Variants in IRGM observed in about 807,000 individuals in gnomAD.
The protein encoded by IRGM is immunity related GTPase M, also known as immunity-related GTPase family M protein.
For missense variants in IRGM, 288 were observed against 219.9 expected, an observed-to-expected ratio of 1.31 and a Z score of -1.96; for synonymous variants, 98 against 80.6, an observed-to-expected ratio of 1.22 and a Z score of -1.16.
At chr5:150,878,956 G>GA (rs974439359) in intron 2 of IRGM, among the ~76,000 whole-genome samples, 2 of 152,030 alleles carry the variant, frequency 1.3e-5, no homozygotes, top group African/African-American at 2.4e-5. Context: ...TGAAGCAAAT[G>GA]AAAAAATACT....
chr5:150,895,867 C>G, intron 3 of IRGM: 1 of 1,613,412 alleles, frequency 6.2e-7, no homozygotes, highest in Admixed American at 1.7e-5. Flanking sequence ...CCAGTATGAA[C>G]TAACTGATGT....
intron 3 of IRGM, chr5:150,895,183 C>G (rs1331621177): frequency 2.5e-6 from 1 of 395,766 alleles, no homozygotes; most frequent in Non-Finnish European, 4.5e-6. Flanking sequence ...GCTTAACTTG[C>G]TGTGCTGATC....
rs116626533 is a variant in IRGM at position 150,860,722 on chromosome 5, T to C, written c.158+12068T>C. Among the ~76,000 whole-genome samples, 654 of 152,310 alleles carry C rather than the reference T, an allele frequency of 4.3e-3. 3 individuals carry two copies. The highest frequency in any genetic ancestry group is 0.017 in the Middle Eastern group (5 of 294). ...TTGCCACCACTATTGCTTCTGCTGCTGCCTTGGGACCTCCCAACTTAGTGC... is the reference window on the plus strand; with the variant it reads ...TTGCCACCACTATTGCTTCTGCTGCCGCCTTGGGACCTCCCAACTTAGTGC... On this transcript the variant is annotated intron_variant and NMD_transcript_variant, in intron 1 of 3. Coordinates refer to the IRGM transcript ENST00000520549.
At chr5:150,849,693 G>A (rs141773404), downstream of IRGM, among the ~76,000 whole-genome samples, 1,072 of 143,298 alleles carry the variant, frequency 7.5e-3, 6 homozygotes, top group Middle Eastern at 0.032. Context: ...TGCAACTTCC[G>A]CCTCCTGGGT....
intron 3 of IRGM, among the ~76,000 whole-genome samples, chr5:150,886,368 G>A (rs1035010919): frequency 2.6e-5 from 4 of 151,830 alleles, no homozygotes; most frequent in African/African-American, 7.3e-5. Context: ...TTCTTTTTTT[G>A]TTGTGTCCTT....
chr5:150,859,138 C>T (rs9800175), intron 1 of IRGM, among the ~76,000 whole-genome samples: 4 of 151,860 alleles, frequency 2.6e-5, no homozygotes, highest in Non-Finnish European at 5.9e-5. Flanking sequence ...TAGCATGAAG[C>T]GTTGTTGAAT....
chr5:150,861,016 C>T (rs184266220), intron 1 of IRGM, among the ~76,000 whole-genome samples: 11 of 152,286 alleles, frequency 7.2e-5, no homozygotes, highest in Admixed American at 6.5e-5. Context: ...AACTGAATGG[C>T]TTCAATCAGT....
chr5:150,899,492 T>C (rs1212622892), intron 3 of IRGM, among the ~76,000 whole-genome samples: 1 of 152,060 alleles, frequency 6.6e-6, no homozygotes, highest in East Asian at 1.9e-4. Flanking sequence ...CTAATCTCTT[T>C]ATTTCATAGG....
intron 1 of IRGM, among the ~76,000 whole-genome samples, chr5:150,858,630 G>A (rs968046816): frequency 6.6e-6 from 1 of 151,924 alleles, no homozygotes; most frequent in Non-Finnish European, 1.5e-5. Context: ...TCTCCTTGAA[G>A]AGGTCCTTCA....
chr5:150,869,341 G>A (rs550728852), intron 1 of IRGM, among the ~76,000 whole-genome samples: 57 of 152,176 alleles, frequency 3.7e-4, no homozygotes, highest in African/African-American at 1.3e-3. Context: ...ATTTGATCAT[G>A]GTGGATTATC....
At chr5:150,862,810 C>T (rs1481993090) in intron 1 of IRGM, among the ~76,000 whole-genome samples, 1 of 152,142 alleles carries the variant, frequency 6.6e-6, no homozygotes, top group East Asian at 1.9e-4. Flanking sequence ...CATTGGAGAG[C>T]AATGACAGCC....
chr5:150,886,195 T>C (rs1754519543), intron 3 of IRGM, among the ~76,000 whole-genome samples: 1 of 152,162 alleles, frequency 6.6e-6, no homozygotes, highest in Non-Finnish European at 1.5e-5. Context: ...GTTTATGTGA[T>C]GAATCACATT....
At chr5:150,896,326 C>T (rs1287924278) in intron 3 of IRGM, 1 of 1,613,612 alleles carries the variant, frequency 6.2e-7, no homozygotes, top group African/African-American at 1.3e-5. Flanking sequence ...TCACTGAAGG[C>T]TTTTCCGCAT....
intron 2 of IRGM, among the ~76,000 whole-genome samples, chr5:150,879,229 T>C (rs1754409975): frequency 6.6e-6 from 1 of 152,208 alleles, no homozygotes; most frequent in African/African-American, 2.4e-5. Flanking sequence ...AAAAATTTAA[T>C]TGCATGCCAG....
intron 3 of IRGM, among the ~76,000 whole-genome samples, chr5:150,884,225 T>C (rs188026486): frequency 5.9e-4 from 90 of 152,104 alleles, no homozygotes; most frequent in South Asian, 8.3e-4. Flanking sequence ...ACTTTATACT[T>C]TATATTTATA....
downstream of IRGM, among the ~76,000 whole-genome samples, chr5:150,849,015 A>AG (rs1351371033): frequency 1.3e-5 from 2 of 152,042 alleles, no homozygotes; most frequent in African/African-American, 4.8e-5. Flanking sequence ...GGGTGCAGGG[A>AG]GACCACCAAG....
intron 1 of IRGM, among the ~76,000 whole-genome samples, chr5:150,858,154 T>C (rs1332950739): frequency 5.9e-5 from 9 of 151,916 alleles, no homozygotes; most frequent in Admixed American, 2.6e-4. Context: ...GGCTAGCCAG[T>C]TTTCCCAGCA....
At chr5:150,862,121 A>C (rs1020315513) in intron 1 of IRGM, among the ~76,000 whole-genome samples, 56 of 152,210 alleles carry the variant, frequency 3.7e-4, no homozygotes, top group African/African-American at 1.4e-3. Flanking sequence ...TATTGGCAGA[A>C]TTCATTTTTT....
intron 3 of IRGM, chr5:150,897,712 TA>T: frequency 3.8e-6 from 1 of 260,652 alleles, no homozygotes; most frequent in Non-Finnish European, 7.2e-6. Context: ...TTTAGACTCT[TA>T]ATTTTCTCTG....
Sources: gnomAD v4.1 joint callset for allele counts (sites outside exome capture counted in the v4.1 genomes callset) on GRCh38, gnomAD v4.1.1 for gene constraint, MANE v1.5 for transcripts, NCBI Gene and HGNC (gene_info 2026-07-23, HGNC 2026-07-21) for gene names.